NTM: variants seen among roughly 807,000 people sequenced by gnomAD.
The protein encoded by NTM is IgLON family member 2.
In NTM, 13 loss-of-function variants were observed where a neutral mutation model predicts 42.1. The ratio of observed to expected loss-of-function variants is 0.31; its 90% CI spans 0.20 to 0.49. The LOEUF (loss-of-function observed/expected upper bound fraction) is 0.49, where lower values mean the gene tolerates loss of function less well. Among genes scored for constraint, NTM ranks in the 20% least tolerant of loss-of-function variants. The probability of loss-of-function intolerance (pLI) is 0.99; values close to 1 mark genes in which losing one functional copy is unlikely to be tolerated. For synonymous variants in NTM, 187 were observed against 179.2 expected (o/e 1.04, Z -0.35); for missense variants, 373 against 452.8 (o/e 0.82, Z 1.60).
At position 131,504,228 on chromosome 11, in the gene NTM, A is replaced by G. The variant is rs566860365; in HGVS notation, c.82+133340A>G. Reference sequence around the variant, plus strand: ...TTCCTATCTCTGTCTCGCACAGCGCATGCCTGAATTCAGCCTGTTTGGGTT... The same window carrying G: ...TTCCTATCTCTGTCTCGCACAGCGCGTGCCTGAATTCAGCCTGTTTGGGTT... On this transcript the variant is annotated intron_variant, in intron 1 of 8. Transcript: ENST00000683400. 2.6e-5 allele frequency among the ~76,000 whole-genome samples: 4 copies of G among 152,156 alleles called. No homozygotes were observed. The East Asian group carries it at 7.8e-4, about 30-fold the overall frequency.
intron 1 of NTM, among the ~76,000 whole-genome samples, chr11:131,789,289 A>T (rs2136084501): frequency 6.6e-6 from 1 of 151,328 alleles, no homozygotes; most frequent in African/African-American, 2.4e-5. Flanking sequence ...AGTTAAGAGT[A>T]TTTTAAAAAG....
chr11:131,836,648 C>A (rs2136617896), intron 1 of NTM, among the ~76,000 whole-genome samples: 1 of 152,258 alleles, frequency 6.6e-6, no homozygotes, highest in Admixed American at 6.5e-5. Context: ...TGGACCTTTA[C>A]TGAGTTGCTG....
intron 2 of NTM, among the ~76,000 whole-genome samples, chr11:131,920,173 C>T (rs2057015866): frequency 6.6e-6 from 1 of 152,120 alleles, no homozygotes; most frequent in African/African-American, 2.4e-5. Context: ...ACCCCTTTTC[C>T]TTGGAGAAAT....
chr11:131,855,988 GA>G (rs1391242654), intron 1 of NTM, among the ~76,000 whole-genome samples: 15 of 152,198 alleles, frequency 9.9e-5, no homozygotes, highest in African/African-American at 3.6e-4. Flanking sequence ...CACGCCTGAA[GA>G]TGGTGAGTGT....
At position 131,817,691 on chromosome 11, in the gene NTM, G is replaced by C. The variant is rs186780597; in HGVS notation, c.83-93873G>C. On this transcript the variant is annotated intron_variant, in intron 1 of 8. Transcript: ENST00000683400. ...GGGCCTCTGAGCTTCCATGAGGATG[G>C]TTCCCTCTGCTCCACCTCCTTCCAC... Among the ~76,000 whole-genome samples, 250 of 152,310 alleles carry C rather than the reference G, an allele frequency of 1.6e-3. 1 individual carries two copies. The highest frequency in any genetic ancestry group is 3.0e-3 in the Non-Finnish European group (202 of 68,028).
rs139813891 is a variant in NTM, at chr11:131,666,306, C to T, written c.83-245258C>T. ...TGAGATGTCCACACCCTGCCCCTGGCCCTGCCTCCTGTCTTATAATTGCCA... is the reference window on the plus strand; with the variant it reads ...TGAGATGTCCACACCCTGCCCCTGGTCCTGCCTCCTGTCTTATAATTGCCA... On this transcript the variant is annotated intron_variant, in intron 1 of 8. Transcript: ENST00000683400. Among the ~76,000 whole-genome samples the T allele has an allele frequency of 2.7e-3, 417 of 152,304 alleles. 5 individuals carry two copies. The highest frequency in any genetic ancestry group is 9.7e-3 in the African/African-American group (402 of 41,554).
chr11:132,033,514 T>A (rs2076167824), intron 2 of NTM, among the ~76,000 whole-genome samples: 2 of 152,156 alleles, frequency 1.3e-5, no homozygotes, highest in African/African-American at 4.8e-5. Context: ...TAGACAGAAG[T>A]CCAGTCTTGT....
chr11:132,176,292 G>C (rs866837342), intron 3 of NTM, among the ~76,000 whole-genome samples: 1 of 151,708 alleles, frequency 6.6e-6, no homozygotes, highest in Non-Finnish European at 1.5e-5. Flanking sequence ...GTAAAAAGTA[G>C]GCATTTCTAA....
chr11:132,051,661 A>T (rs1025688079), intron 2 of NTM, among the ~76,000 whole-genome samples: 1 of 152,106 alleles, frequency 6.6e-6, no homozygotes, highest in Non-Finnish European at 1.5e-5. Context: ...GGATGCCAAG[A>T]GCCCCCTCCT....
chr11:131,661,728 T>C (rs2068102769), intron 1 of NTM, among the ~76,000 whole-genome samples: 1 of 152,196 alleles, frequency 6.6e-6, no homozygotes, highest in Non-Finnish European at 1.5e-5. Context: ...TTAAATATAA[T>C]TGCTTTCCCC....
At chr11:131,687,846 A>G (rs1468065783) in intron 1 of NTM, among the ~76,000 whole-genome samples, 1 of 151,502 alleles carries the variant, frequency 6.6e-6, no homozygotes, top group East Asian at 2.0e-4. Context: ...GATGGTTTCC[A>G]CCCCGCTCCC....
At chr11:132,043,462 C>A (rs138106915) in intron 2 of NTM, among the ~76,000 whole-genome samples, 23 of 152,334 alleles carry the variant, frequency 1.5e-4, no homozygotes, top group African/African-American at 5.3e-4. Flanking sequence ...TTCCTGCATC[C>A]TCTGTCACTG....
At chr11:132,058,014 T>C (rs367845139) in intron 2 of NTM, among the ~76,000 whole-genome samples, 1 of 152,190 alleles carries the variant, frequency 6.6e-6, no homozygotes, top group Non-Finnish European at 1.5e-5. Flanking sequence ...TATTTTTTTA[T>C]CTCTCTGTGG....
chr11:132,249,093 A>G (rs1467451746), intron 4 of NTM, among the ~76,000 whole-genome samples: 1 of 152,160 alleles, frequency 6.6e-6, no homozygotes, highest in African/African-American at 2.4e-5. Flanking sequence ...CTGCACCTGT[A>G]CCTCTGAAAG....
intron 1 of NTM, among the ~76,000 whole-genome samples, chr11:131,434,946 CA>C (rs1315727961): frequency 6.6e-6 from 1 of 152,084 alleles, no homozygotes; most frequent in African/African-American, 2.4e-5. Context: ...GTCTTTAATC[CA>C]TCTTGAATTT....
intron 1 of NTM, among the ~76,000 whole-genome samples, chr11:131,442,931 T>C (rs916112794): frequency 6.6e-6 from 1 of 152,190 alleles, no homozygotes; most frequent in African/African-American, 2.4e-5. Flanking sequence ...AGTAGTGTTG[T>C]GATAAACACA....
intron 2 of NTM, among the ~76,000 whole-genome samples, chr11:131,970,552 C>T (rs1176585656): frequency 2.6e-5 from 4 of 152,224 alleles, no homozygotes; most frequent in Non-Finnish European, 5.9e-5. Flanking sequence ...GCAGCAGGTA[C>T]AGTTAAACTG....
intron 4 of NTM, among the ~76,000 whole-genome samples, chr11:132,255,186 T>A (rs2092375366): frequency 6.6e-6 from 1 of 152,224 alleles, no homozygotes; most frequent in South Asian, 2.1e-4. Context: ...TGAACATTTT[T>A]TTTATCTCTT....
At chr11:132,165,253 G>T (rs2075087613) in intron 3 of NTM, among the ~76,000 whole-genome samples, 1 of 152,136 alleles carries the variant, frequency 6.6e-6, no homozygotes, top group Non-Finnish European at 1.5e-5. Flanking sequence ...TTCTGTATCA[G>T]CAGTCTTGGA....
Sources: allele counts gnomAD v4.1 joint callset (sites outside exome capture counted in the v4.1 genomes callset), GRCh38; gene constraint gnomAD v4.1.1; transcripts MANE v1.5; gene names NCBI Gene and HGNC (gene_info 2026-07-23, HGNC 2026-07-21).